FLT3: variants seen among roughly 807,000 people sequenced by gnomAD.
FLT3 encodes receptor-type tyrosine-protein kinase FLT3.
Under a neutral mutation model 126.6 loss-of-function variants are expected in FLT3, and 46 were observed. The observed-to-expected ratio is 0.36, with a 90% CI of 0.29 to 0.46. The LOEUF (loss-of-function observed/expected upper bound fraction) is 0.46. FLT3 is among the 20% of genes least tolerant of loss of function. The pLI, the probability that FLT3 is intolerant of heterozygous loss-of-function variation, is 1.00. For missense variants in FLT3, 1,069 were observed against 1,190.3 expected (o/e 0.90, Z 1.50); for synonymous variants, 404 against 434.4 (o/e 0.93, Z 0.87).
At chr13:28,027,020 T>A in intron 17 of FLT3, 68 bp downstream of exon 17, 4 of 1,400,182 alleles carry the variant, frequency 2.9e-6, no homozygotes, top group Non-Finnish European at 4.0e-6. Context: ...CAACGAAGTG[T>A]GTTTGAACAG....
Position 28,049,729 on chromosome 13 carries a change from T to C in FLT3, c.788A>G (p.Lys263Arg). The change falls in exon 7 of 24, where the codon AAA becomes AGA. Residue 263 changes from lysine to arginine, a missense_variant. Lys to Arg is a conservative substitution (Grantham distance 26, BLOSUM62 2). Transcript: ENST00000241453. ...PQTTLPQLFLKVGEPLWIRCK... is the reference protein window; with the variant it reads ...PQTTLPQLFLRVGEPLWIRCK... ...CCTTATCCATAAGGGTTCCCCTACT[T>C]TAAGAAATAATTGTGGCAATGTGGT... is the stretch of plus-strand genomic sequence containing the variant. The C allele has an allele frequency of 1.2e-6, 2 of 1,614,056 alleles. No homozygotes were observed. The highest frequency in any genetic ancestry group is 1.6e-4 in the Middle Eastern group (1 of 6,062).
chr13:28,024,183 A>G (rs1872628484), intron 18 of FLT3, among the ~76,000 whole-genome samples: 1 of 149,152 alleles, frequency 6.7e-6, no homozygotes, highest in East Asian at 2.0e-4. Context: ...CCAGGTTGGA[A>G]TGCAGTGGTG....
At chr13:28,032,525 G>T (rs1873436880) in intron 15 of FLT3, among the ~76,000 whole-genome samples, 1 of 152,206 alleles carries the variant, frequency 6.6e-6, no homozygotes, top group Admixed American at 6.5e-5. Flanking sequence ...TGGGAGGATG[G>T]CTTGAGCCTG....
At chr13:28,055,427 C>G (rs1184683576) in intron 4 of FLT3, among the ~76,000 whole-genome samples, 1 of 152,220 alleles carries the variant, frequency 6.6e-6, no homozygotes, top group Non-Finnish European at 1.5e-5. Flanking sequence ...AAAAGTAGAA[C>G]TGAAATGAAT....
In FLT3 at chr13:28,094,379, A is replaced by T. The variant is rs555019982; in HGVS notation, c.43+6089T>A. On this transcript the variant is annotated intron_variant, in intron 1 of 23. Coordinates refer to ENST00000241453, the MANE Select transcript of FLT3 (RefSeq NM_004119.3). The stretch of plus-strand genomic sequence containing the variant: ...TACCAATTGACCTTATAATGACAGC[A>T]GTAAAAAAATGTATATTTTTTTACT... Among the ~76,000 whole-genome samples, 6 of 152,326 alleles carry T rather than the reference A, an allele frequency of 3.9e-5. No individual in the cohort carries two copies. In the South Asian group the frequency reaches 1.2e-3, roughly 32 times the overall value.
intron 17 of FLT3, 102 bp from the exon 18 acceptor site, chr13:28,025,045 T>G: frequency 1.4e-6 from 1 of 731,148 alleles, no homozygotes; most frequent in South Asian, 1.7e-5. Context: ...CAGTTATAAA[T>G]TGACTTTTAA....
Position 28,042,144 on chromosome 13 carries a change from C to T in FLT3, c.1206-4856G>A, listed in dbSNP as rs1057089633. On this transcript the variant is annotated intron_variant, in intron 9 of 23. Transcript: ENST00000241453. ...ATGGGTGAGAGGGCAAGCCTCCATC[C>T]GAAATAATAATAATAATAATAATAA... 1.2e-4 allele frequency among the ~76,000 whole-genome samples: 8 copies of T among 68,794 alleles called. 1 individual carries two copies. The South Asian group carries it at 2.2e-3, about 19-fold the overall frequency. 45.1% of individuals were successfully genotyped at this position (68,794 alleles called of 152,430 possible).
intron 2 of FLT3, 103 bp from the exon 3 acceptor site, chr13:28,062,172 G>C: frequency 1.3e-6 from 1 of 799,660 alleles, no homozygotes. Flanking sequence ...CTGACACACT[G>C]CACGCAACAC....
chr13:28,034,706 G>A (rs1873673824), intron 12 of FLT3, among the ~76,000 whole-genome samples: 1 of 152,200 alleles, frequency 6.6e-6, no homozygotes, highest in South Asian at 2.1e-4. Context: ...TGTAGTCCCA[G>A]CACTTTGGGA....
chr13:28,071,317 T>C (rs1877500880), intron 1 of FLT3, among the ~76,000 whole-genome samples: 1 of 151,742 alleles, frequency 6.6e-6, no homozygotes, highest in African/African-American at 2.4e-5. Flanking sequence ...GCCTGGTATA[T>C]TCTTTTTTTC....
Position 28,050,236 on chromosome 13 carries a change from AG to A in FLT3, c.615-15del, listed in dbSNP as rs754728586. ...TCTTCTTTACAGCTGCAATTAGAAA[AG>A]AAGTACCATTTGGCTAAACAAGTTT... On this transcript the variant is annotated splice_polypyrimidine_tract_variant and intron_variant, in intron 5 of 23. Transcript: ENST00000241453. The A allele has an allele frequency of 5.0e-6, 8 of 1,613,404 alleles. No individual in the cohort carries two copies. The South Asian group carries it at 8.8e-5, about 18-fold the overall frequency.
intron 15 of FLT3, among the ~76,000 whole-genome samples, chr13:28,031,479 A>G (rs1453911960): frequency 2.6e-5 from 4 of 152,158 alleles, no homozygotes; most frequent in Non-Finnish European, 4.4e-5. Flanking sequence ...CCCTGCCCTC[A>G]TGAGGCACAG....
chr13:28,085,538 T>G (rs1593301751), intron 1 of FLT3, among the ~76,000 whole-genome samples: 2 of 152,230 alleles, frequency 1.3e-5, no homozygotes, highest in Middle Eastern at 6.8e-3. Context: ...TCATACACTT[T>G]GAATATAATT....
rs981055606 is a variant in FLT3 at position 28,072,507 on chromosome 13, C to G, written c.44-1895G>C. Among the ~76,000 whole-genome samples, 8 of 152,128 alleles carry G rather than the reference C, an allele frequency of 5.3e-5. No individual in the cohort carries two copies. The South Asian group carries it at 1.7e-3, about 32-fold the overall frequency. On this transcript the variant is annotated intron_variant, in intron 1 of 23. Transcript: ENST00000241453. Reference sequence around the variant, plus strand: ...TGTCTCCGGGGTTTGAGTGATTCTCCTGCCTCAGCCTCCCAAGTAGCTGGG... The same window carrying G: ...TGTCTCCGGGGTTTGAGTGATTCTCGTGCCTCAGCCTCCCAAGTAGCTGGG...
In FLT3 at chr13:28,008,577, T is replaced by C. The variant is rs538149725; in HGVS notation, c.2860-4403A>G. Among the ~76,000 whole-genome samples, 14 of 152,286 alleles carry C rather than the reference T, an allele frequency of 9.2e-5. No homozygotes were observed. In the South Asian group the frequency reaches 2.9e-3, roughly 32 times the overall value. On this transcript the variant is annotated intron_variant, in intron 23 of 23. Coordinates refer to ENST00000241453, the MANE Select transcript of FLT3 (RefSeq NM_004119.3). Reference sequence around the variant, plus strand: ...TCACTGCAACCTCCGCCTCCCGGTTTCAAGCACTTCTCGTGCCTCAGCCTC... The same window carrying C: ...TCACTGCAACCTCCGCCTCCCGGTTCCAAGCACTTCTCGTGCCTCAGCCTC...
chr13:28,025,854 G>A (rs911326459), intron 17 of FLT3, among the ~76,000 whole-genome samples: 1 of 152,180 alleles, frequency 6.6e-6, no homozygotes, highest in African/African-American at 2.4e-5. Flanking sequence ...GGATCTCCGT[G>A]GGGCCTGGTG....
At chr13:28,039,781 CAT>C (rs201313410) in intron 9 of FLT3, among the ~76,000 whole-genome samples, 1,840 of 152,272 alleles carry the variant, frequency 0.012, 35 homozygotes, top group African/African-American at 0.042. Flanking sequence ...TTCCTGACCT[CAT>C]GTGATCCTCT....
At position 28,003,950 on chromosome 13, in the gene FLT3, A is replaced by C; in HGVS notation, c.*102T>G. 1 of 1,366,148 alleles carries C rather than the reference A, an allele frequency of 7.3e-7. No individual in the cohort carries two copies. The highest frequency in any genetic ancestry group is 2.3e-5 in the East Asian group (1 of 43,298). The allele number at this position is 1,366,148 out of a possible 1,614,324, so 84.6% of individuals were successfully genotyped here. A position where few individuals can be genotyped will look rare whatever the true frequency, so the allele number is the denominator to read the frequency against. ...GAAAAGTCTGGTGAAGCAGCAGTTG[A>C]TAATAGATTTTCTTTTAGTGATGAA... is the stretch of plus-strand genomic sequence containing the variant. On this transcript the variant is annotated 3_prime_UTR_variant, in exon 24 of 24. Transcript: ENST00000241453.
chr13:28,091,788 C>G (rs771444549), intron 1 of FLT3, among the ~76,000 whole-genome samples: 2 of 151,888 alleles, frequency 1.3e-5, no homozygotes, highest in Non-Finnish European at 2.9e-5. Flanking sequence ...AAAAAATAGG[C>G]CAGGCGTGGC....
Sources: allele counts gnomAD v4.1 joint callset (sites outside exome capture counted in the v4.1 genomes callset), GRCh38; gene constraint gnomAD v4.1.1; transcripts MANE v1.5; gene names NCBI Gene and HGNC (gene_info 2026-07-23, HGNC 2026-07-21).